Variants in TRIQK observed in about 807,000 individuals in gnomAD.
TRIQK encodes the protein triple QxxK/R motif-containing protein.
In TRIQK, 10 loss-of-function variants were observed where a neutral mutation model predicts 10.8. That is an observed-to-expected ratio of 0.92 (90% CI 0.57 to 1.57). The LOEUF (loss-of-function observed/expected upper bound fraction) is 1.57. Ranked by LOEUF, TRIQK falls within the 40% of genes most tolerant of loss-of-function variation. The pLI, the probability that TRIQK is intolerant of heterozygous loss-of-function variation, is 0.00. For synonymous variants in TRIQK, 33 were observed against 33.7 expected, an observed-to-expected ratio of 0.98 and a Z score of 0.07; for missense variants, 107 against 97.7, an observed-to-expected ratio of 1.09 and a Z score of -0.40.
intron 2 of TRIQK, among the ~76,000 whole-genome samples, chr8:92,919,084 G>C (rs1202947136): frequency 2.0e-5 from 3 of 151,730 alleles, no homozygotes; most frequent in Non-Finnish European, 4.4e-5. Flanking sequence ...TGATCTATGT[G>C]TCTATTTTTA....
chr8:92,888,028 A>G (rs934932852), intron 4 of TRIQK, among the ~76,000 whole-genome samples: 4 of 151,614 alleles, frequency 2.6e-5, no homozygotes, highest in African/African-American at 9.7e-5. Flanking sequence ...TGGCATCTCA[A>G]AAGGGCATGG....
intron 2 of TRIQK, among the ~76,000 whole-genome samples, chr8:92,951,563 T>A (rs1013741459): frequency 6.6e-6 from 1 of 152,188 alleles, no homozygotes; most frequent in East Asian, 1.9e-4. Flanking sequence ...TGAAAAACTC[T>A]AGGGGAACCA....
chr8:92,951,100 AT>A (rs1051199546), intron 2 of TRIQK, among the ~76,000 whole-genome samples: 4 of 151,540 alleles, frequency 2.6e-5, no homozygotes, highest in Admixed American at 6.6e-5. Context: ...TTTTTCTGTT[AT>A]TTTTTTATTG....
chr8:93,015,835 C>G (rs1050516481), intron 1 of TRIQK, among the ~76,000 whole-genome samples: 1 of 151,986 alleles, frequency 6.6e-6, no homozygotes, highest in East Asian at 1.9e-4. Flanking sequence ...ATTATGGGGC[C>G]TGTACTTTTC....
intron 2 of TRIQK, among the ~76,000 whole-genome samples, chr8:92,928,827 G>A (rs141244464): frequency 1.3e-5 from 2 of 152,230 alleles, no homozygotes; most frequent in Admixed American, 6.5e-5. Flanking sequence ...TCTGAATTCA[G>A]TAGGAAAACA....
At chr8:92,890,372 A>G (rs1212012373) in intron 4 of TRIQK, among the ~76,000 whole-genome samples, 3 of 151,800 alleles carry the variant, frequency 2.0e-5, no homozygotes, top group African/African-American at 7.2e-5. Flanking sequence ...CTTATTAAAA[A>G]GGAGCTATGT....
chr8:92,959,477 GCATA>G (rs1451089261), intron 1 of TRIQK, among the ~76,000 whole-genome samples: 1 of 99,698 alleles, frequency 1.0e-5, no homozygotes, highest in African/African-American at 3.8e-5. Context: ...TTATATATAT[GCATA>G]CACACACACA....
intron 1 of TRIQK, among the ~76,000 whole-genome samples, chr8:93,016,958 A>T (rs377640907): frequency 7.2e-5 from 11 of 152,224 alleles, no homozygotes; most frequent in South Asian, 4.1e-4. Context: ...TACACATATT[A>T]GTATGGATAG....
chr8:92,909,402 C>T (rs563530192), intron 3 of TRIQK, among the ~76,000 whole-genome samples: 58 of 151,882 alleles, frequency 3.8e-4, no homozygotes, highest in African/African-American at 1.3e-3. Context: ...AGGTAAACTA[C>T]GCAAAAAGTA....
At chr8:92,915,286 A>G (rs1255052889) in intron 3 of TRIQK, among the ~76,000 whole-genome samples, 2 of 152,174 alleles carry the variant, frequency 1.3e-5, no homozygotes, top group African/African-American at 2.4e-5. Flanking sequence ...GATCTAATAT[A>G]CCACATGAGA....
At chr8:92,917,585 A>C (rs1478297087) in intron 2 of TRIQK, among the ~76,000 whole-genome samples, 1 of 151,942 alleles carries the variant, frequency 6.6e-6, no homozygotes, top group Non-Finnish European at 1.5e-5. Context: ...TGTTCGATTT[A>C]ATCTACCTAT....
chr8:92,935,159 T>A (rs1810919085), intron 2 of TRIQK, among the ~76,000 whole-genome samples: 1 of 151,738 alleles, frequency 6.6e-6, no homozygotes, highest in South Asian at 2.1e-4. Context: ...TTCTGCTTGA[T>A]AGTTAATTGT....
At chr8:92,937,090 A>C (rs1429719499) in intron 2 of TRIQK, among the ~76,000 whole-genome samples, 1 of 151,876 alleles carries the variant, frequency 6.6e-6, no homozygotes, top group East Asian at 1.9e-4. Context: ...TGTGCACAAA[A>C]ACACTAGTAA....
At chr8:92,959,236 T>C (rs896706116) in intron 1 of TRIQK, among the ~76,000 whole-genome samples, 4 of 152,008 alleles carry the variant, frequency 2.6e-5, no homozygotes, top group African/African-American at 9.7e-5. Context: ...TGGTCGTAGT[T>C]TGCTATTCAA....
intron 2 of TRIQK, 144 bp from the exon 3 acceptor site, chr8:92,917,154 CA>C (rs1472889598): frequency 7.4e-6 from 3 of 406,762 alleles, no homozygotes; most frequent in African/African-American, 4.1e-5. Flanking sequence ...ATAAAGAAAA[CA>C]AAATTCTTTT....
intron 1 of TRIQK, chr8:92,960,814 A>G (rs1480066230): frequency 1.3e-5 from 2 of 152,238 alleles, no homozygotes; most frequent in African/African-American, 2.4e-5. Context: ...AGTGACCTAT[A>G]TCAGACTTCT....
intron 3 of TRIQK, among the ~76,000 whole-genome samples, chr8:92,903,863 A>G (rs181865488): frequency 1.3e-5 from 2 of 152,132 alleles, no homozygotes; most frequent in Non-Finnish European, 2.9e-5. Context: ...CAAATAATAA[A>G]CAAACAAAAA....
upstream of TRIQK, among the ~76,000 whole-genome samples, chr8:92,968,522 T>C (rs1812839834): frequency 6.6e-6 from 1 of 152,216 alleles, no homozygotes; most frequent in Non-Finnish European, 1.5e-5. Context: ...TATCTCATTG[T>C]GGTTTTGATT....
intron 1 of TRIQK, among the ~76,000 whole-genome samples, chr8:92,987,590 C>T (rs543347725): frequency 8.8e-4 from 134 of 152,106 alleles, no homozygotes; most frequent in African/African-American, 3.0e-3. Context: ...TGAGCTATTA[C>T]CAGAAGTAAT....
Sources: allele counts gnomAD v4.1 joint callset (sites outside exome capture counted in the v4.1 genomes callset), GRCh38; gene constraint gnomAD v4.1.1; transcripts MANE v1.5; gene names NCBI Gene and HGNC (gene_info 2026-07-23, HGNC 2026-07-21).